GPR158: variants seen among roughly 807,000 people sequenced by gnomAD.
GPR158 encodes the protein metabotropic glycine receptor.
In GPR158, 30 loss-of-function variants were observed where a neutral mutation model predicts 78.2. That is an observed-to-expected ratio of 0.38 (90% confidence interval 0.29 to 0.52). GPR158 has a LOEUF of 0.52. GPR158 is among the 20% of genes least tolerant of loss of function. The pLI, the probability that GPR158 is intolerant of heterozygous loss-of-function variation, is 0.83. For synonymous variants in GPR158, 581 were observed against 591.1 expected (o/e 0.98, Z 0.25); for missense variants, 1,463 against 1,523.5 (o/e 0.96, Z 0.66).
intron 4 of GPR158, among the ~76,000 whole-genome samples, chr10:25,423,128 T>TATACGTATATACGTATATAC (rs1554802509): frequency 1.2e-4 from 17 of 140,704 alleles, no homozygotes; most frequent in East Asian, 2.3e-4. Context: ...TACATATATA[T>TATACGTATATACGTATATAC]GTATATACAT....
At chr10:25,349,360 A>AAGGAAAGCCGTACTTGACAGCTTCAT (rs1422184929) in intron 2 of GPR158, among the ~76,000 whole-genome samples, 2 of 147,840 alleles carry the variant, frequency 1.4e-5, no homozygotes, top group African/African-American at 5.3e-5. Flanking sequence ...AAGATCCTTA[A>AAGGAAAGCCGTACTTGACAGCTTCAT]CTTAAACACA....
At position 25,589,240 on chromosome 10, in the gene GPR158, C is replaced by T. The variant is rs1837309869; in HGVS notation, c.1892+95C>T. On this transcript the variant is annotated intron_variant, in intron 8 of 10. Coordinates refer to ENST00000376351, the MANE Select transcript of GPR158 (RefSeq NM_020752.3). ...TTAGATAAGATGCATAATAGAAAGACTTAGCAAAGATAGCATTTTATAAGT... is the reference window on the plus strand; with the variant it reads ...TTAGATAAGATGCATAATAGAAAGATTTAGCAAAGATAGCATTTTATAAGT... The T allele has an allele frequency of 5.0e-6, 4 of 798,112 alleles. No homozygotes were observed. In the East Asian group the frequency reaches 1.1e-4, roughly 21 times the overall value. The allele number at this position is 798,112 out of a possible 1,614,324, so 49.4% of individuals were successfully genotyped here. A position where few individuals can be genotyped will look rare whatever the true frequency, so the allele number is the denominator to read the frequency against.
chr10:25,192,490 G>A (rs1852785408), intron 1 of GPR158, among the ~76,000 whole-genome samples: 1 of 152,100 alleles, frequency 6.6e-6, no homozygotes, highest in African/African-American at 2.4e-5. Context: ...ATAAACCTAG[G>A]TTTGAATCCA....
intron 2 of GPR158, among the ~76,000 whole-genome samples, chr10:25,364,364 G>A (rs1366887394): frequency 6.6e-6 from 1 of 151,838 alleles, no homozygotes; most frequent in African/African-American, 2.4e-5. Flanking sequence ...AGAACCGTTT[G>A]TTAATCATTC....
At chr10:25,253,185 G>T (rs755937334) in intron 2 of GPR158, among the ~76,000 whole-genome samples, 2 of 152,346 alleles carry the variant, frequency 1.3e-5, no homozygotes, top group African/African-American at 4.8e-5. Flanking sequence ...CGCACCGTGC[G>T]CGCACCCACT....
chr10:25,338,410 ACG>A (rs1424518866), intron 2 of GPR158, among the ~76,000 whole-genome samples: 1 of 105,740 alleles, frequency 9.5e-6, no homozygotes, highest in East Asian at 2.6e-4. Flanking sequence ...ATTATATATA[ACG>A]TATTATATAT....
intron 4 of GPR158, among the ~76,000 whole-genome samples, chr10:25,455,834 C>G (rs1835283928): frequency 6.6e-6 from 1 of 152,072 alleles, no homozygotes; most frequent in Admixed American, 6.6e-5. Context: ...AAAATGTAAA[C>G]AGGATGTTAG....
intron 7 of GPR158, among the ~76,000 whole-genome samples, chr10:25,586,804 A>T (rs957626570): frequency 6.6e-6 from 1 of 152,152 alleles, no homozygotes; most frequent in Admixed American, 6.5e-5. Context: ...ATCAAAATGG[A>T]GTTTCAGAAA....
At chr10:25,377,863 A>G (rs1045309692) in intron 2 of GPR158, among the ~76,000 whole-genome samples, 3 of 152,080 alleles carry the variant, frequency 2.0e-5, no homozygotes, top group Non-Finnish European at 4.4e-5. Context: ...TTATGTAGAC[A>G]TATGTTTTCA....
intron 2 of GPR158, among the ~76,000 whole-genome samples, chr10:25,372,099 TG>T (rs1442387162): frequency 9.9e-5 from 5 of 50,726 alleles, no homozygotes; most frequent in Admixed American, 3.7e-4. Flanking sequence ...AAAAAACACA[TG>T]AAAAAAATGC....
chr10:25,205,522 T>A (rs1014395852), intron 1 of GPR158, among the ~76,000 whole-genome samples: 1 of 152,136 alleles, frequency 6.6e-6, no homozygotes, highest in African/African-American at 2.4e-5. Context: ...GTTCGGCTGT[T>A]AATTTGAGAT....
At position 25,280,861 on chromosome 10, in the gene GPR158, C is replaced by T. The variant is rs1443156235; in HGVS notation, c.1008+59704C>T. Reference sequence around the variant, plus strand: ...CAGTTAAATTACTCATCAGGTTGGACGTGGTGGCTCGTGCCTATAATCCCA... The same window carrying T: ...CAGTTAAATTACTCATCAGGTTGGATGTGGTGGCTCGTGCCTATAATCCCA... On this transcript the variant is annotated intron_variant, in intron 2 of 10. Transcript: ENST00000376351. Among the ~76,000 whole-genome samples, 10 of 152,040 alleles carry T rather than the reference C, an allele frequency of 6.6e-5. No homozygotes were observed. The East Asian group carries it at 1.5e-3, about 23-fold the overall frequency.
At chr10:25,466,841 G>C in intron 5 of GPR158, 122 bp downstream of exon 5, 1 of 490,394 alleles carries the variant, frequency 2.0e-6, no homozygotes, top group Admixed American at 3.7e-5. Context: ...AAGTGTGGAG[G>C]TTTTGGCTCT....
intron 5 of GPR158, among the ~76,000 whole-genome samples, chr10:25,532,754 T>A (rs200730264): frequency 2.4e-5 from 3 of 124,236 alleles, no homozygotes; most frequent in Non-Finnish European, 3.4e-5. Context: ...AAAAAAAAAA[T>A]ACCAAAGCAT....
chr10:25,407,380 A>AT (rs1184830271), intron 3 of GPR158, among the ~76,000 whole-genome samples: 1 of 152,064 alleles, frequency 6.6e-6, no homozygotes, highest in Non-Finnish European at 1.5e-5. Flanking sequence ...TATCTTTGCT[A>AT]TTTTTATTCA....
intron 2 of GPR158, among the ~76,000 whole-genome samples, chr10:25,256,711 A>G (rs976389983): frequency 3.9e-5 from 6 of 152,118 alleles, no homozygotes; most frequent in African/African-American, 9.7e-5. Flanking sequence ...ATAAAATAAA[A>G]TAAAAACAAT....
At chr10:25,187,159 G>A (rs1055434075) in intron 1 of GPR158, among the ~76,000 whole-genome samples, 2 of 151,784 alleles carry the variant, frequency 1.3e-5, no homozygotes, top group African/African-American at 2.4e-5. Context: ...TAGAGACAGG[G>A]TTTCACTGTG....
intron 5 of GPR158, among the ~76,000 whole-genome samples, chr10:25,517,738 G>A (rs923171486): frequency 6.6e-6 from 1 of 151,262 alleles, no homozygotes; most frequent in African/African-American, 2.4e-5. Context: ...GATCATGGTG[G>A]ATAAGCTTTT....
At chr10:25,197,455 C>T (rs1358529352) in intron 1 of GPR158, among the ~76,000 whole-genome samples, 2 of 152,074 alleles carry the variant, frequency 1.3e-5, no homozygotes, top group Admixed American at 6.6e-5. Context: ...TGTAAATTAT[C>T]AGCTTTGTAA....
Sources: gnomAD v4.1 joint callset for allele counts (sites outside exome capture counted in the v4.1 genomes callset) on GRCh38, gnomAD v4.1.1 for gene constraint, MANE v1.5 for transcripts, NCBI Gene and HGNC (gene_info 2026-07-23, HGNC 2026-07-21) for gene names.